Variants in CRTC3 observed in about 807,000 individuals in gnomAD.
CRTC3 encodes CREB regulated transcription coactivator 3.
A neutral mutation model predicts 74.5 loss-of-function variants in CRTC3; 26 were observed. The ratio of observed to expected loss-of-function variants is 0.35; its 90% CI spans 0.26 to 0.48. CRTC3 has a LOEUF of 0.48. Ranked by LOEUF, CRTC3 falls within the 20% of genes least tolerant of loss-of-function variation. The pLI is 0.99. For missense variants in CRTC3, 760 were observed against 787.3 expected (o/e 0.97, Z 0.41); for synonymous variants, 377 against 325.8 (o/e 1.16, Z -1.69).
chr15:90,560,082 A>C (rs530635341), intron 2 of CRTC3, among the ~76,000 whole-genome samples: 10 of 152,324 alleles, frequency 6.6e-5, no homozygotes, highest in African/African-American at 2.2e-4. Context: ...TGTTATAAAT[A>C]GCTTTCCTCA....
chr15:90,543,465 T>C (rs1476857736), intron 2 of CRTC3, among the ~76,000 whole-genome samples: 2 of 152,200 alleles, frequency 1.3e-5, no homozygotes, highest in East Asian at 3.8e-4. Flanking sequence ...TATATGGTTT[T>C]ATGATTTTCT....
intron 1 of CRTC3, among the ~76,000 whole-genome samples, chr15:90,533,175 G>A (rs1596064297): frequency 6.7e-6 from 1 of 149,128 alleles, no homozygotes. Flanking sequence ...AGGCCGAGGC[G>A]GGCAGATCAC....
At chr15:90,574,610 A>G (rs950018103) in intron 2 of CRTC3, among the ~76,000 whole-genome samples, 5 of 152,226 alleles carry the variant, frequency 3.3e-5, no homozygotes, top group African/African-American at 1.2e-4. Flanking sequence ...ATGCATGTGT[A>G]GTTTTAGTAG....
chr15:90,635,234 C>T (rs955506999), intron 11 of CRTC3, among the ~76,000 whole-genome samples: 3 of 151,858 alleles, frequency 2.0e-5, no homozygotes, highest in Non-Finnish European at 4.4e-5. Flanking sequence ...AAAAAAAGGA[C>T]ACTGAGAAGC....
chr15:90,618,089 G>C, intron 8 of CRTC3, 121 bp downstream of exon 8: 1 of 618,904 alleles, frequency 1.6e-6, no homozygotes, highest in South Asian at 2.0e-5. Context: ...ATTTGTCTGA[G>C]AACAGAGATA....
At position 90,642,209 on chromosome 15, in the gene CRTC3, A is replaced by G; in HGVS notation, c.*69A>G. ...AAATAGAATGGAATAGAATGAAGCC[A>G]GCTGATACCACGGGCTTTCGTTATC... On this transcript the variant is annotated 3_prime_UTR_variant, in exon 15 of 15. Coordinates refer to ENST00000268184, the MANE Select transcript of CRTC3 (RefSeq NM_022769.5). 1 of 1,353,776 alleles carries G rather than the reference A, an allele frequency of 7.4e-7. No homozygotes were observed. The allele number at this position is 1,353,776 out of a possible 1,614,324, so 83.9% of individuals were successfully genotyped here.
At chr15:90,562,447 T>C (rs1018133671) in intron 2 of CRTC3, among the ~76,000 whole-genome samples, 1 of 152,186 alleles carries the variant, frequency 6.6e-6, no homozygotes, top group Non-Finnish European at 1.5e-5. Context: ...TTTGCTCTTA[T>C]TTTGCAAATT....
At chr15:90,584,860 A>G (rs1244969848) in intron 2 of CRTC3, among the ~76,000 whole-genome samples, 1 of 152,092 alleles carries the variant, frequency 6.6e-6, no homozygotes, top group South Asian at 2.1e-4. Flanking sequence ...ATACAAACCC[A>G]AGTATACAGA....
chr15:90,530,155 G>C lies in CRTC3; in HGVS notation c.84G>C (p.Glu28Asp). The stretch of plus-strand genomic sequence containing the variant: ...CGCTGCACACGCAGAGACAGGCCGA[G>C]GAGACGCGGGCCTTCGAGCAGCTCA... ...KIALHTQRQA[E>D]ETRAFEQLMT... The change falls in exon 1 of 15, where the codon GAG becomes GAC. Residue 28 changes from glutamate to aspartate, a missense_variant. Transcript: ENST00000268184. This position sits in a 1 kb window ranked among gnomAD's most constrained non-coding sequence, Gnocchi z 6.2. 5 of 1,443,056 alleles carry C rather than the reference G, an allele frequency of 3.5e-6. No individual in the cohort carries two copies. Among genetic ancestry groups the C allele is most frequent in the Non-Finnish European group, 4.6e-6 (5 of 1,082,172 alleles). 89.4% of individuals were successfully genotyped at this position (1,443,056 alleles called of 1,614,324 possible).
intron 6 of CRTC3, chr15:90,613,658 A>G (rs1436566191): frequency 6.6e-6 from 1 of 152,204 alleles, no homozygotes; most frequent in Non-Finnish European, 1.5e-5. Flanking sequence ...CCAAAAACTC[A>G]TCTAAAATGT....
At chr15:90,632,609 GTTA>G (rs778256090) in intron 11 of CRTC3, among the ~76,000 whole-genome samples, 45 of 152,154 alleles carry the variant, frequency 3.0e-4, no homozygotes, top group East Asian at 5.8e-4. Context: ...GTATAACCAT[GTTA>G]TTATTATTTT....
At chr15:90,606,316 C>G (rs1968218993) in intron 5 of CRTC3, among the ~76,000 whole-genome samples, 2 of 150,744 alleles carry the variant, frequency 1.3e-5, no homozygotes, top group African/African-American at 4.9e-5. Flanking sequence ...AATCCCAGCA[C>G]TTTGGGAGGC....
intron 5 of CRTC3, among the ~76,000 whole-genome samples, chr15:90,605,034 G>C (rs2151083066): frequency 6.6e-6 from 1 of 152,272 alleles, no homozygotes; most frequent in Admixed American, 6.5e-5. Context: ...GCTGAGGCCA[G>C]AGGATCGTGT....
chr15:90,617,380 T>TAGTG (rs1968521047), intron 7 of CRTC3, among the ~76,000 whole-genome samples: 1 of 152,236 alleles, frequency 6.6e-6, no homozygotes, highest in African/African-American at 2.4e-5. Context: ...ACTCCCACAG[T>TAGTG]AGTGCCCAAA....
At chr15:90,631,726 C>CA (rs71463748) in intron 11 of CRTC3, among the ~76,000 whole-genome samples, 22,775 of 109,446 alleles carry the variant, frequency 0.21, 2,241 homozygotes, top group African/African-American at 0.32. Flanking sequence ...TACTCTGTCT[C>CA]AAAAAAAAAA....
intron 2 of CRTC3, among the ~76,000 whole-genome samples, chr15:90,550,840 G>C (rs189524081): frequency 2.0e-5 from 3 of 150,896 alleles, no homozygotes; most frequent in Admixed American, 1.3e-4. Flanking sequence ...GATCAGAAAC[G>C]GGTTTGTAGG....
At chr15:90,598,216 A>T (rs550176344) in intron 3 of CRTC3, 1 of 558,922 alleles carries the variant, frequency 1.8e-6, no homozygotes. Flanking sequence ...GCCCAGGTAC[A>T]CTGACCGCAC....
chr15:90,556,530 T>G (rs373806312), intron 2 of CRTC3, among the ~76,000 whole-genome samples: 3 of 152,342 alleles, frequency 2.0e-5, no homozygotes, highest in African/African-American at 7.2e-5. Flanking sequence ...TAAAGTAGTT[T>G]GCATATTTAC....
At chr15:90,538,231 G>T (rs1966750150) in intron 1 of CRTC3, among the ~76,000 whole-genome samples, 1 of 152,208 alleles carries the variant, frequency 6.6e-6, no homozygotes, top group African/African-American at 2.4e-5. Context: ...TTTGTCCAGA[G>T]AATTTCAAGA....
Sources: gnomAD v4.1 joint callset for allele counts (sites outside exome capture counted in the v4.1 genomes callset) on GRCh38, gnomAD v4.1.1 for gene constraint, Gnocchi (gnomAD v3.1) non-coding constraint, MANE v1.5 for transcripts, NCBI Gene and HGNC (gene_info 2026-07-23, HGNC 2026-07-21) for gene names.